The following ZNF609 variants were observed in gnomAD, a reference collection of about 807,000 sequenced individuals.
ZNF609 encodes the protein zinc finger protein 609.
A neutral mutation model predicts 109.5 loss-of-function variants in ZNF609; 11 were observed. The ratio of observed to expected loss-of-function variants is 0.10; its 90% CI spans 0.06 to 0.17. The LOEUF (loss-of-function observed/expected upper bound fraction) is 0.17, where lower values mean the gene tolerates loss of function less well. Among genes scored for constraint, ZNF609 ranks in the 10% least tolerant of loss-of-function variants. ZNF609 has a pLI of 1.00. For synonymous variants in ZNF609, 646 were observed against 662.0 expected, an observed-to-expected ratio of 0.98 and a Z score of 0.37; for missense variants, 1,559 against 1,772.4, an observed-to-expected ratio of 0.88 and a Z score of 2.16.
intron 3 of ZNF609, among the ~76,000 whole-genome samples, chr15:64,630,323 C>T (rs752472269): frequency 6.6e-6 from 1 of 151,892 alleles, no homozygotes. Flanking sequence ...CCACCCGCCT[C>T]GGCCTCCCAA....
intron 2 of ZNF609, among the ~76,000 whole-genome samples, chr15:64,543,915 A>G (rs1894312911): frequency 6.6e-6 from 1 of 152,116 alleles, no homozygotes; most frequent in Non-Finnish European, 1.5e-5. Context: ...TTTTGAAGGC[A>G]AGTCTTGTGT....
At chr15:64,596,891 G>A (rs866838077) in intron 2 of ZNF609, among the ~76,000 whole-genome samples, 7 of 152,024 alleles carry the variant, frequency 4.6e-5, no homozygotes, top group African/African-American at 1.5e-4. Flanking sequence ...CTGAAAATAC[G>A]GCACAAATCC....
At position 64,680,688 on chromosome 15, in the gene ZNF609, G is replaced by T; in HGVS notation, c.3988G>T (p.Gly1330Trp). ...TSQERDRGGC[G>W]VVGGGGSCSS... ...TCAGGAGAGAGATCGAGGAGGCTGT[G>T]GGGTGGTTGGGGGTGGTGGCAGCTG... Residue 1330 changes from glycine (G) to tryptophan (W), a missense_variant, in exon 8 of 10, where the codon GGG becomes TGG. Physicochemically the swap from Gly to Trp is radical, Grantham distance 184. Coordinates refer to ENST00000326648, the MANE Select transcript of ZNF609 (RefSeq NM_015042.2). 6.2e-7 allele frequency: 1 copy of T among 1,610,988 alleles called. No individual in the cohort carries two copies. The highest frequency in any genetic ancestry group is 8.5e-7 in the Non-Finnish European group (1 of 1,178,586).
intron 1 of ZNF609, among the ~76,000 whole-genome samples, chr15:64,466,157 C>G (rs1404707629): frequency 1.4e-5 from 2 of 146,888 alleles, no homozygotes; most frequent in East Asian, 4.0e-4. Flanking sequence ...GGGGGTATAG[C>G]ATTTCCTATA....
intron 1 of ZNF609, among the ~76,000 whole-genome samples, chr15:64,481,479 C>T (rs1221462762): frequency 6.6e-6 from 1 of 151,876 alleles, no homozygotes; most frequent in Non-Finnish European, 1.5e-5. Flanking sequence ...TGACACCACG[C>T]CTAGCTAATT....
intron 2 of ZNF609, among the ~76,000 whole-genome samples, chr15:64,608,915 T>C (rs943173713): frequency 6.6e-6 from 1 of 151,884 alleles, no homozygotes; most frequent in African/African-American, 2.4e-5. Context: ...ATTTTTTTTA[T>C]TTTTAAAGAT....
intron 3 of ZNF609, among the ~76,000 whole-genome samples, chr15:64,641,219 C>CTTTCTTTTTTTTTT (rs1284761579): frequency 4.3e-5 from 3 of 69,738 alleles, no homozygotes; most frequent in African/African-American, 5.3e-5. Flanking sequence ...CTTGTGCTTT[C>CTTTCTTTTTTTTTT]TTTTTTTTTT....
intron 2 of ZNF609, chr15:64,529,773 C>T: frequency 2.0e-6 from 1 of 510,026 alleles, no homozygotes; most frequent in Non-Finnish European, 3.7e-6. Context: ...TCTTGTTACC[C>T]AGGCTGGAGT....
intron 3 of ZNF609, among the ~76,000 whole-genome samples, chr15:64,640,809 A>G (rs959024728): frequency 3.9e-5 from 6 of 152,232 alleles, no homozygotes; most frequent in African/African-American, 1.2e-4. Context: ...AGCAAGAGGA[A>G]AGGAAGGATA....
chr15:64,518,001 T>C (rs947064330), intron 2 of ZNF609, among the ~76,000 whole-genome samples: 7 of 151,974 alleles, frequency 4.6e-5, no homozygotes, highest in Non-Finnish European at 1.0e-4. Context: ...CTCACCACGT[T>C]GAACCCCTGG....
At chr15:64,631,207 G>T in intron 3 of ZNF609, 1 of 626,080 alleles carries the variant, frequency 1.6e-6, no homozygotes, top group Non-Finnish European at 3.0e-6. Flanking sequence ...TGCTGCTTCA[G>T]GTGAACCCAG....
intron 2 of ZNF609, among the ~76,000 whole-genome samples, chr15:64,567,083 T>A (rs1355420937): frequency 6.6e-6 from 1 of 152,188 alleles, no homozygotes; most frequent in Non-Finnish European, 1.5e-5. Context: ...AACTGGCTAA[T>A]TAGAGTTGAG....
chr15:64,661,405 G>A (rs899259762), intron 3 of ZNF609, among the ~76,000 whole-genome samples: 42 of 152,184 alleles, frequency 2.8e-4, no homozygotes, highest in Non-Finnish European at 7.4e-5. Context: ...CAGAGTAGGT[G>A]CTCATTTGTG....
chr15:64,594,387 C>T (rs565718731), intron 2 of ZNF609, among the ~76,000 whole-genome samples: 120 of 151,264 alleles, frequency 7.9e-4, no homozygotes, highest in African/African-American at 2.6e-3. Flanking sequence ...GGCTGGAGTG[C>T]AGTGGTGTGA....
Position 64,667,712 on chromosome 15 carries a change from CA to C in ZNF609, c.974-2624del, listed in dbSNP as rs5813318. 4.1e-5 allele frequency among the ~76,000 whole-genome samples: 6 copies of C among 145,748 alleles called. 1 individual carries two copies. In the South Asian group the frequency reaches 6.5e-4, roughly 16 times the overall value. On this transcript the variant is annotated intron_variant, in intron 3 of 9. Transcript: ENST00000326648. ...GGGCAACAAGAGTGAAACTCTGTCT[CA>C]AAAAAAAAAGAAAAAGAAAAAGAAA...
chr15:64,602,581 A>G (rs1341065987), intron 2 of ZNF609, among the ~76,000 whole-genome samples: 1 of 151,996 alleles, frequency 6.6e-6, no homozygotes, highest in Non-Finnish European at 1.5e-5. Flanking sequence ...GGATTTACTC[A>G]TTTAAATGTT....
At chr15:64,509,758 A>G (rs567783196) in intron 2 of ZNF609, among the ~76,000 whole-genome samples, 1 of 152,358 alleles carries the variant, frequency 6.6e-6, no homozygotes, top group South Asian at 2.1e-4. Flanking sequence ...GTATATAACC[A>G]ACTTCTTCTG....
chr15:64,486,638 C>G (rs1455628673), intron 1 of ZNF609, among the ~76,000 whole-genome samples: 2 of 150,720 alleles, frequency 1.3e-5, no homozygotes, highest in Admixed American at 6.6e-5. Context: ...TTTTTCAAGA[C>G]ACAGTCTTGC....
chr15:64,644,576 T>G (rs572744883), intron 3 of ZNF609, among the ~76,000 whole-genome samples: 112 of 152,338 alleles, frequency 7.4e-4, no homozygotes, highest in Admixed American at 1.7e-3. Context: ...TACCTAAGTA[T>G]ACCTTTACCA....
Sources: allele counts gnomAD v4.1 joint callset (sites outside exome capture counted in the v4.1 genomes callset), GRCh38; gene constraint gnomAD v4.1.1; transcripts MANE v1.5; gene names NCBI Gene and HGNC (gene_info 2026-07-23, HGNC 2026-07-21).